RBM47: variants seen among roughly 807,000 people sequenced by gnomAD.
The protein encoded by RBM47 is RNA binding motif protein 47.
Under a neutral mutation model 47.1 loss-of-function variants are expected in RBM47, and 21 were observed. That is an observed-to-expected ratio of 0.45 (90% CI 0.32 to 0.64). The LOEUF (loss-of-function observed/expected upper bound fraction) is 0.64, where lower values mean the gene tolerates loss of function less well. RBM47 is among the 30% of genes least tolerant of loss of function. The pLI is 0.05. For synonymous variants in RBM47, 375 were observed against 361.7 expected (o/e 1.04, Z -0.42); for missense variants, 708 against 870.9 (o/e 0.81, Z 2.35).
intron 1 of RBM47, among the ~76,000 whole-genome samples, chr4:40,556,972 G>A (rs924335256): frequency 1.3e-5 from 2 of 148,240 alleles, no homozygotes; most frequent in Non-Finnish European, 3.0e-5. Context: ...ATGTGTGTTG[G>A]GGGGCACGTT....
intron 3 of RBM47, among the ~76,000 whole-genome samples, chr4:40,448,275 G>C (rs1714859967): frequency 6.6e-6 from 1 of 151,114 alleles, no homozygotes; most frequent in Admixed American, 6.6e-5. Flanking sequence ...GAGTGTGTGT[G>C]TGTGAGTGTG....
In RBM47 at chr4:40,629,641, T is replaced by C. The variant is rs1480005457; in HGVS notation, c.-485A>G. On this transcript the variant is annotated 5_prime_UTR_variant, in exon 1 of 7. Transcript: ENST00000295971. ...GTCAGAATTGCTTAACCTTGGAGACTTGCAGAGAGAAAGTCTCCAGGAGGA... is the reference window on the plus strand; with the variant it reads ...GTCAGAATTGCTTAACCTTGGAGACCTGCAGAGAGAAAGTCTCCAGGAGGA... 6.6e-6 allele frequency: 1 copy of C among 152,272 alleles called. No homozygotes were observed. The highest frequency in any genetic ancestry group is 2.4e-5 in the African/African-American group (1 of 41,456). The allele number at this position is 152,272 out of a possible 1,614,324, so 9.4% of individuals were successfully genotyped here.
chr4:40,609,948 C>T (rs536084740), intron 1 of RBM47, among the ~76,000 whole-genome samples: 4 of 151,962 alleles, frequency 2.6e-5, no homozygotes, highest in Non-Finnish European at 2.9e-5. Context: ...CAAAATTAGC[C>T]GGGTGTGGTG....
At chr4:40,596,761 T>C (rs1734793613) in intron 1 of RBM47, among the ~76,000 whole-genome samples, 2 of 152,002 alleles carry the variant, frequency 1.3e-5, no homozygotes, top group African/African-American at 2.4e-5. Flanking sequence ...AAGGACGTCC[T>C]TGGGAAGGAT....
Position 40,602,863 on chromosome 4 carries a change from TC to T in RBM47, c.-240+26532del, listed in dbSNP as rs201456110. Among the ~76,000 whole-genome samples the T allele has an allele frequency of 3.2e-3, 488 of 152,098 alleles. 3 individuals are homozygous for T. Among genetic ancestry groups the T allele is most frequent in the African/African-American group, 0.011 (452 of 41,478 alleles). On this transcript the variant is annotated intron_variant, in intron 1 of 6. Coordinates refer to ENST00000295971, the MANE Select transcript of RBM47 (RefSeq NM_001098634.2). ...AAAATATAAACTTTTCACTGAAGTA[TC>T]ATATATAAATAGAAAATTCACAAGT...
At chr4:40,584,627 T>C (rs995723989) in intron 1 of RBM47, among the ~76,000 whole-genome samples, 1 of 152,202 alleles carries the variant, frequency 6.6e-6, no homozygotes, top group African/African-American at 2.4e-5. Flanking sequence ...ACTTGGTATG[T>C]ATTGCATAAA....
In RBM47 at chr4:40,607,113, T is replaced by C. The variant is rs531203699; in HGVS notation, c.-240+22283A>G. ...CAGCTGAACCCAAACATCCATCAAC[T>C]GATGAATGGATGAACAAAATCTGGT... On this transcript the variant is annotated intron_variant, in intron 1 of 6. Transcript: ENST00000295971. 1.0e-3 allele frequency among the ~76,000 whole-genome samples: 157 copies of C among 152,236 alleles called. 2 individuals are homozygous for C. The highest frequency in any genetic ancestry group is 1.8e-3 in the Admixed American group (28 of 15,268).
At chr4:40,471,361 C>A (rs59692630) in intron 2 of RBM47, among the ~76,000 whole-genome samples, 11 of 152,116 alleles carry the variant, frequency 7.2e-5, no homozygotes, top group Non-Finnish European at 1.5e-5. Context: ...AGGCCTGCTG[C>A]AATCAATCTA....
At chr4:40,455,939 AATG>A (rs1716174060) in intron 3 of RBM47, among the ~76,000 whole-genome samples, 2 of 152,210 alleles carry the variant, frequency 1.3e-5, no homozygotes, top group African/African-American at 4.8e-5. Flanking sequence ...TTAAAATTAA[AATG>A]TAAAGAACCT....
intron 6 of RBM47, among the ~76,000 whole-genome samples, chr4:40,429,111 C>T (rs1250930874): frequency 2.6e-5 from 4 of 152,110 alleles, no homozygotes; most frequent in African/African-American, 4.8e-5. Context: ...TCCAGGAAAA[C>T]GACACTGTCT....
chr4:40,462,097 C>T (rs115242511), intron 3 of RBM47, among the ~76,000 whole-genome samples: 1,567 of 152,256 alleles, frequency 0.01, 29 homozygotes, highest in African/African-American at 0.034. Context: ...CTGTCATCTC[C>T]AAGCCCGTCA....
intron 2 of RBM47, among the ~76,000 whole-genome samples, chr4:40,516,442 T>A (rs1725592432): frequency 6.6e-6 from 1 of 151,686 alleles, no homozygotes; most frequent in Non-Finnish European, 1.5e-5. Context: ...GTATTTTTAG[T>A]AGAGACAGGG....
At chr4:40,580,188 C>T (rs1292667408) in intron 1 of RBM47, among the ~76,000 whole-genome samples, 1 of 152,062 alleles carries the variant, frequency 6.6e-6, no homozygotes, top group Non-Finnish European at 1.5e-5. Context: ...GAGTCCACTT[C>T]ATGGATATTT....
At chr4:40,470,175 G>T (rs1442408275) in intron 2 of RBM47, among the ~76,000 whole-genome samples, 1 of 152,144 alleles carries the variant, frequency 6.6e-6, no homozygotes, top group Non-Finnish European at 1.5e-5. Context: ...CTGGAGAAAC[G>T]GGGTGGTTTC....
At chr4:40,622,274 T>C (rs1392752565) in intron 1 of RBM47, among the ~76,000 whole-genome samples, 1 of 152,106 alleles carries the variant, frequency 6.6e-6, no homozygotes, top group African/African-American at 2.4e-5. Flanking sequence ...GAAGGAGGAA[T>C]TGCTGTTTTA....
chr4:40,607,276 G>T (rs539006636), intron 1 of RBM47, among the ~76,000 whole-genome samples: 4 of 152,286 alleles, frequency 2.6e-5, no homozygotes, highest in African/African-American at 9.6e-5. Context: ...ATATCGTATG[G>T]TTCTATTTAT....
intron 3 of RBM47, among the ~76,000 whole-genome samples, chr4:40,452,887 A>C (rs1339927737): frequency 1.4e-5 from 2 of 139,830 alleles, no homozygotes; most frequent in Admixed American, 1.6e-4. Context: ...TCTGTCACCC[A>C]GACTGGAGTG....
chr4:40,624,429 T>C (rs1737543956), intron 1 of RBM47, among the ~76,000 whole-genome samples: 1 of 152,210 alleles, frequency 6.6e-6, no homozygotes, highest in Non-Finnish European at 1.5e-5. Flanking sequence ...ATTACCCTGA[T>C]AACAAACTAG....
chr4:40,543,395 C>T (rs1373013805), intron 2 of RBM47: 2 of 152,086 alleles, frequency 1.3e-5, no homozygotes, highest in African/African-American at 4.8e-5. Flanking sequence ...CTCACATGGG[C>T]TGTTCTGAGT....
Sources: allele counts gnomAD v4.1 joint callset (sites outside exome capture counted in the v4.1 genomes callset), GRCh38; gene constraint gnomAD v4.1.1; transcripts MANE v1.5; gene names NCBI Gene and HGNC (gene_info 2026-07-23, HGNC 2026-07-21).